The following HGF variants were observed in gnomAD, a reference collection of about 807,000 sequenced individuals.
HGF encodes the protein hepatocyte growth factor, also known as fibroblast-derived tumor cytotoxic factor.
In HGF, 39 loss-of-function variants were observed where a neutral mutation model predicts 111.6. The observed-to-expected ratio is 0.35, with a 90% CI of 0.27 to 0.46. The LOEUF is 0.46. HGF is among the 20% of genes least tolerant of loss of function. The pLI, the probability that HGF is intolerant of heterozygous loss-of-function variation, is 1.00. For missense variants in HGF, 735 were observed against 910.5 expected (o/e 0.81, Z 2.48); for synonymous variants, 285 against 294.8 (o/e 0.97, Z 0.34).
rs372600489 is a variant in HGF, at chr7:81,745,087, C to T, written c.659G>A (p.Arg220Gln). 9.2e-5 allele frequency: 149 copies of T among 1,613,630 alleles called. 1 individual carries two copies. Among genetic ancestry groups the T allele is most frequent in the Non-Finnish European group, 1.2e-4 (142 of 1,179,744 alleles). ...ECMTCNGESY[R>Q]GLMDHTESGK... is the part of the protein sequence containing the mutation. Reference sequence around the variant, plus strand: ...TGATTCTGTATGATCCATGAGACCTCGATAACTCTCCCCATTGCAGGTCAT... The same window carrying T: ...TGATTCTGTATGATCCATGAGACCTTGATAACTCTCCCCATTGCAGGTCAT... The change falls in exon 6 of 18, where the codon CGA becomes CAA. Residue 220 changes from arginine (R) to glutamine (Q), a missense_variant. By Grantham distance (43) the Arg-to-Gln change is conservative (BLOSUM62 1). Transcript: ENST00000222390.
chr7:81,759,815 C>G (rs1022586229), intron 2 of HGF, among the ~76,000 whole-genome samples: 3 of 152,076 alleles, frequency 2.0e-5, no homozygotes, highest in Non-Finnish European at 4.4e-5. Context: ...TAGAGAATAT[C>G]TTTTTGACAT....
chr7:81,762,444 C>CAATTGCT (rs1318602087), intron 2 of HGF, among the ~76,000 whole-genome samples: 20 of 152,214 alleles, frequency 1.3e-4, no homozygotes, highest in African/African-American at 4.3e-4. Context: ...TACTCAAATT[C>CAATTGCT]AATTGCTCAT....
At chr7:81,747,374 G>C (rs566291171) in intron 5 of HGF, among the ~76,000 whole-genome samples, 1 of 151,954 alleles carries the variant, frequency 6.6e-6, no homozygotes. Flanking sequence ...GTATTTGGCC[G>C]TAATAGTTTT....
rs1562876877 is a variant in HGF at position 81,717,218 on chromosome 7, C to G, written c.1405+14G>C. On this transcript the variant is annotated intron_variant, in intron 11 of 17. Coordinates refer to ENST00000222390, the MANE Select transcript of HGF (RefSeq NM_000601.6). ...AAAATATTTCACAAGACACCAATCC[C>G]TAACTGTACTTACAACGAGAAATAG... The G allele has an allele frequency of 6.2e-7, 1 of 1,612,018 alleles. No homozygotes were observed. The highest frequency in any genetic ancestry group is 8.5e-7 in the Non-Finnish European group (1 of 1,178,256).
At chr7:81,738,232 C>A (rs1258261817) in intron 7 of HGF, among the ~76,000 whole-genome samples, 1 of 151,854 alleles carries the variant, frequency 6.6e-6, no homozygotes, top group Non-Finnish European at 1.5e-5. Context: ...TTAAAACTTA[C>A]AGAAAAAATA....
At chr7:81,730,014 A>G (rs1787595045) in intron 7 of HGF, among the ~76,000 whole-genome samples, 1 of 152,118 alleles carries the variant, frequency 6.6e-6, no homozygotes, top group South Asian at 2.1e-4. Context: ...ACTTAAATGC[A>G]TTTTACCTCC....
chr7:81,722,820 A>AG (rs1456065794), intron 9 of HGF, among the ~76,000 whole-genome samples: 3 of 143,306 alleles, frequency 2.1e-5, no homozygotes. Context: ...TCTCAAAAAA[A>AG]AAAAAAAAAA....
chr7:81,763,415 A>G (rs1789200939), intron 1 of HGF, among the ~76,000 whole-genome samples: 1 of 152,150 alleles, frequency 6.6e-6, no homozygotes, highest in African/African-American at 2.4e-5. Flanking sequence ...CCTTTAGTGC[A>G]TAAATGTTTT....
At chr7:81,747,200 G>A (rs1157264510) in intron 5 of HGF, among the ~76,000 whole-genome samples, 2 of 152,182 alleles carry the variant, frequency 1.3e-5, no homozygotes, top group Non-Finnish European at 1.5e-5. Context: ...TTAATCAGGT[G>A]TGGTGGTGGG....
intron 4 of HGF, chr7:81,756,073 C>G (rs1788755201): frequency 2.9e-6 from 2 of 701,302 alleles, no homozygotes; most frequent in African/African-American, 3.5e-5. Context: ...ACTGCAAAAA[C>G]AAATCACAGC....
At chr7:81,724,148 A>G (rs1789946669) in intron 9 of HGF, among the ~76,000 whole-genome samples, 1 of 152,214 alleles carries the variant, frequency 6.6e-6, no homozygotes, top group Non-Finnish European at 1.5e-5. Flanking sequence ...TTATTAACAA[A>G]TGTTCAAGTA....
intron 8 of HGF, among the ~76,000 whole-genome samples, chr7:81,728,967 AG>A (rs1410427859): frequency 2.0e-5 from 3 of 152,248 alleles, no homozygotes; most frequent in Non-Finnish European, 2.9e-5. Context: ...TGTCTGCAAA[AG>A]TCAAATGGTG....
chr7:81,767,419 G>A (rs1789418467), intron 1 of HGF, among the ~76,000 whole-genome samples: 1 of 152,128 alleles, frequency 6.6e-6, no homozygotes, highest in African/African-American at 2.4e-5. Flanking sequence ...GTCCAATAGT[G>A]CCAATCTTAT....
intron 3 of HGF, 140 bp downstream of exon 3, chr7:81,758,552 T>G: frequency 1.6e-6 from 1 of 643,642 alleles, no homozygotes; most frequent in Non-Finnish European, 2.8e-6. Context: ...TTCAACTGTC[T>G]TAATGGATGA....
At chr7:81,757,848 AGTACAT>A (rs1788857871) in intron 3 of HGF, among the ~76,000 whole-genome samples, 1 of 152,030 alleles carries the variant, frequency 6.6e-6, no homozygotes, top group South Asian at 2.1e-4. Flanking sequence ...ACCAAATAAT[AGTACAT>A]GCAGTTGTTA....
chr7:81,751,077 A>G (rs906267167), intron 5 of HGF: 10 of 982,052 alleles, frequency 1.0e-5, no homozygotes, highest in Non-Finnish European at 8.5e-6. Context: ...CTTCTCTGTG[A>G]CAATTAGCTA....
In HGF at chr7:81,736,825, T is replaced by C; in HGVS notation, c.865+6528A>G. On this transcript the variant is annotated intron_variant, in intron 7 of 17. Transcript: ENST00000222390. ...AGAAATATAGATAGGCGGTAACAGA[T>C]GGTTATGTTTTGTCATTGCCCTAAG... 6.8e-6 allele frequency: 3 copies of C among 441,730 alleles called. 1 individual carries two copies. Among genetic ancestry groups the C allele is most frequent in the South Asian group, 3.2e-5 (2 of 61,590 alleles). 27.4% of individuals were successfully genotyped at this position (441,730 alleles called of 1,614,324 possible).
At chr7:81,768,080 T>A (rs1404226127) in intron 1 of HGF, among the ~76,000 whole-genome samples, 2 of 152,198 alleles carry the variant, frequency 1.3e-5, no homozygotes, top group Non-Finnish European at 2.9e-5. Context: ...GCATTCTGCC[T>A]GTACTCAGGA....
intron 9 of HGF, among the ~76,000 whole-genome samples, chr7:81,724,210 T>C (rs1022630998): frequency 6.6e-6 from 1 of 152,192 alleles, no homozygotes; most frequent in African/African-American, 2.4e-5. Context: ...CCCTTAATCA[T>C]TGGCTTCAAC....
Sources: gnomAD v4.1 joint callset for allele counts (sites outside exome capture counted in the v4.1 genomes callset) on GRCh38, gnomAD v4.1.1 for gene constraint, MANE v1.5 for transcripts, NCBI Gene and HGNC (gene_info 2026-07-23, HGNC 2026-07-21) for gene names.